KAZN: variants seen among roughly 807,000 people sequenced by gnomAD.
KAZN encodes the protein kazrin.
In KAZN, 40 loss-of-function variants were observed where a neutral mutation model predicts 87.4. The observed-to-expected ratio is 0.46, with a 90% confidence interval of 0.36 to 0.60. The LOEUF (loss-of-function observed/expected upper bound fraction) is 0.60, where lower values mean the gene tolerates loss of function less well. Ranked by LOEUF, KAZN falls within the 20% of genes least tolerant of loss-of-function variation. The pLI is 0.00. For synonymous variants in KAZN, 466 were observed against 458.3 expected, an observed-to-expected ratio of 1.02 and a Z score of -0.22; for missense variants, 898 against 1,073.9, an observed-to-expected ratio of 0.84 and a Z score of 2.29.
chr1:14,777,823 G>T (rs1384615549), intron 1 of KAZN, among the ~76,000 whole-genome samples: 1 of 152,162 alleles, frequency 6.6e-6, no homozygotes, highest in African/African-American at 2.4e-5. Context: ...TCAGAACTGA[G>T]GGTTCCTCCC....
At chr1:14,811,827 T>G (rs1646419738) in intron 1 of KAZN, among the ~76,000 whole-genome samples, 1 of 152,208 alleles carries the variant, frequency 6.6e-6, no homozygotes, top group Non-Finnish European at 1.5e-5. Context: ...TGATGATCCC[T>G]GTTGCACGGG....
At chr1:14,514,461 A>T (rs1262891691) in intron 2 of KAZN, among the ~76,000 whole-genome samples, 2 of 1,342 alleles carry the variant, frequency 1.5e-3, no homozygotes, top group South Asian at 0.018. Context: ...TATTATATAT[A>T]TTTTATATAA....
chr1:14,327,595 A>G (rs976600150), intron 2 of KAZN, among the ~76,000 whole-genome samples: 8 of 152,194 alleles, frequency 5.3e-5, no homozygotes, highest in Non-Finnish European at 1.2e-4. Context: ...TATTTTATTC[A>G]TGCTTTATTC....
At chr1:15,030,161 C>A (rs927261525) in intron 2 of KAZN, among the ~76,000 whole-genome samples, 4 of 152,194 alleles carry the variant, frequency 2.6e-5, no homozygotes, top group Non-Finnish European at 5.9e-5. Context: ...GGATCCCATG[C>A]GCATGTGCAA....
intron 2 of KAZN, among the ~76,000 whole-genome samples, chr1:14,563,312 A>G (rs1010242790): frequency 3.0e-4 from 45 of 152,186 alleles, no homozygotes; most frequent in African/African-American, 1.1e-3. Context: ...TTAAAAATGA[A>G]GATTCCCTGG....
chr1:14,569,613 C>T (rs982604571), intron 2 of KAZN, among the ~76,000 whole-genome samples: 1 of 151,946 alleles, frequency 6.6e-6, no homozygotes, highest in African/African-American at 2.4e-5. Flanking sequence ...TGAGCCACCG[C>T]GCCCAGCCAC....
chr1:14,388,160 G>T (rs139202057), intron 2 of KAZN, among the ~76,000 whole-genome samples: 1 of 152,154 alleles, frequency 6.6e-6, no homozygotes, highest in Non-Finnish European at 1.5e-5. Flanking sequence ...GCAATGCCTC[G>T]CCCTGCTTCG....
At chr1:14,921,980 G>A (rs1176937911) in intron 1 of KAZN, among the ~76,000 whole-genome samples, 2 of 152,162 alleles carry the variant, frequency 1.3e-5, no homozygotes, top group Non-Finnish European at 2.9e-5. Flanking sequence ...CCAAAGTGCT[G>A]GGATTCCAGG....
chr1:13,932,008 ATT>A (rs35231877), intron 1 of KAZN, among the ~76,000 whole-genome samples: 26,043 of 123,292 alleles, frequency 0.21, 2,467 homozygotes, highest in Admixed American at 0.34. Flanking sequence ...GGCTTGGCTA[ATT>A]TTTTTTTTTT....
In KAZN at chr1:14,003,806, G is replaced by A. The variant is rs564952740; in HGVS notation, c.91+110050G>A. 1.8e-3 allele frequency among the ~76,000 whole-genome samples: 269 copies of A among 152,270 alleles called. 1 individual carries two copies. The highest frequency in any genetic ancestry group is 6.1e-3 in the African/African-American group (253 of 41,562). On this transcript the variant is annotated intron_variant, in intron 1 of 16. Coordinates refer to the KAZN transcript ENST00000636203. ...TGTAGGAGAGCAGATTTATGATTTT[G>A]AGGCAGTCAACATTGTTTTAAATGA...
chr1:14,801,257 T>C (rs572236032), intron 1 of KAZN, among the ~76,000 whole-genome samples: 1 of 152,116 alleles, frequency 6.6e-6, no homozygotes, highest in Admixed American at 6.5e-5. Context: ...CTCAGCAAGC[T>C]CCTCGGGGAA....
At chr1:14,488,612 C>A (rs1326703866) in intron 2 of KAZN, among the ~76,000 whole-genome samples, 1 of 152,204 alleles carries the variant, frequency 6.6e-6, no homozygotes, top group Non-Finnish European at 1.5e-5. Flanking sequence ...GAGCGCCTGC[C>A]CTCCTGTAAG....
At chr1:14,202,747 A>G (rs1480209708) in intron 2 of KAZN, among the ~76,000 whole-genome samples, 1 of 152,140 alleles carries the variant, frequency 6.6e-6, no homozygotes, top group Admixed American at 6.5e-5. Context: ...TTGAAGCAAT[A>G]ACCATGGGAA....
chr1:14,164,488 AT>A (rs1645777734), intron 1 of KAZN, among the ~76,000 whole-genome samples: 1 of 114,914 alleles, frequency 8.7e-6, no homozygotes, highest in Non-Finnish European at 1.9e-5. Context: ...GTGTTTGTAA[AT>A]CTAGCCTCAA....
intron 1 of KAZN, among the ~76,000 whole-genome samples, chr1:14,739,807 G>A (rs1266940902): frequency 6.6e-6 from 1 of 151,364 alleles, no homozygotes. Flanking sequence ...ATGTTGATCT[G>A]TCTGCCCACG....
intron 1 of KAZN, among the ~76,000 whole-genome samples, chr1:14,114,137 G>GGCAGAGCTGCATGGGAA (rs1293331610): frequency 3.3e-5 from 5 of 152,230 alleles, no homozygotes; most frequent in African/African-American, 1.2e-4. Flanking sequence ...CCATGGCGGT[G>GGCAGAGCTGCATGGGAA]GCAGAGCTGC....
At chr1:14,415,017 C>T (rs1664631964) in intron 2 of KAZN, among the ~76,000 whole-genome samples, 1 of 152,020 alleles carries the variant, frequency 6.6e-6, no homozygotes. Context: ...TACAGTGAGA[C>T]TGCATCTCAA....
chr1:13,941,352 A>C (rs1265177774), intron 1 of KAZN, among the ~76,000 whole-genome samples: 1 of 152,142 alleles, frequency 6.6e-6, no homozygotes, highest in Non-Finnish European at 1.5e-5. Flanking sequence ...TTGAGAATCT[A>C]CTATGTGCTG....
chr1:14,267,904 G>A (rs762525599), intron 2 of KAZN, among the ~76,000 whole-genome samples: 13 of 152,200 alleles, frequency 8.5e-5, no homozygotes, highest in Non-Finnish European at 1.8e-4. Flanking sequence ...AGTTTGCAGT[G>A]AGCTGAGATC....
Sources: gnomAD v4.1 joint callset for allele counts (sites outside exome capture counted in the v4.1 genomes callset) on GRCh38, gnomAD v4.1.1 for gene constraint, MANE v1.5 for transcripts, NCBI Gene and HGNC (gene_info 2026-07-23, HGNC 2026-07-21) for gene names.